Variants in PDZD2 observed in about 807,000 individuals in gnomAD.
The protein encoded by PDZD2 is PDZ domain containing 2.
A neutral mutation model predicts 220.7 loss-of-function variants in PDZD2; 90 were observed. The ratio of observed to expected loss-of-function variants is 0.41; its 90% CI spans 0.34 to 0.49. The LOEUF is 0.49. PDZD2 is among the 20% of genes least tolerant of loss of function. The probability of loss-of-function intolerance (pLI) is 0.28; values close to 1 mark genes in which losing one functional copy is unlikely to be tolerated. For missense variants in PDZD2, 3,174 were observed against 3,608.5 expected, an observed-to-expected ratio of 0.88 and a Z score of 3.08; for synonymous variants, 1,375 against 1,450.5, an observed-to-expected ratio of 0.95 and a Z score of 1.18.
intron 1 of PDZD2, among the ~76,000 whole-genome samples, chr5:31,788,691 T>TAAATAATAAAATAAAA (rs1392563141): frequency 6.6e-5 from 10 of 151,558 alleles, no homozygotes; most frequent in African/African-American, 2.4e-4. Context: ...ATTAAATAAA[T>TAAATAATAAAATAAAA]AAAATAAAAT....
At chr5:31,711,958 A>G (rs933944607) in intron 1 of PDZD2, 3 of 152,488 alleles carry the variant, frequency 2.0e-5, no homozygotes, top group African/African-American at 7.2e-5. Context: ...TCAGTAATTA[A>G]CTTGAGTTCT....
At chr5:31,999,027 GCA>G (rs1751878734) in intron 4 of PDZD2, among the ~76,000 whole-genome samples, 1 of 152,252 alleles carries the variant, frequency 6.6e-6, no homozygotes, top group South Asian at 2.1e-4. Flanking sequence ...CAGTGCTCTG[GCA>G]CAGTGTGCCA....
rs952817625 is a variant in PDZD2, at chr5:32,109,299, G to A, written c.*1164G>A. 1 of 151,612 alleles carries A rather than the reference G, an allele frequency of 6.6e-6. No individual in the cohort carries two copies. The highest frequency in any genetic ancestry group is 1.5e-5 in the Non-Finnish European group (1 of 68,004). 9.4% of individuals were successfully genotyped at this position (151,612 alleles called of 1,614,324 possible). A position where few individuals can be genotyped will look rare whatever the true frequency, so the allele number is the denominator to read the frequency against. On this transcript the variant is annotated 3_prime_UTR_variant, in exon 25 of 25. Coordinates refer to ENST00000438447, the MANE Select transcript of PDZD2 (RefSeq NM_178140.4). ...GACCTAGTATAATGACAACTGCAGT[G>A]ACTTAAGTTTTTGCTGTTTTCGTTT...
chr5:31,661,738 TAATC>T (rs986811814), intron 1 of PDZD2, among the ~76,000 whole-genome samples: 1 of 151,904 alleles, frequency 6.6e-6, no homozygotes, highest in African/African-American at 2.4e-5. Context: ...AATCCAGCAA[TAATC>T]CCCAAGGCTA....
chr5:31,762,702 C>A (rs1035914860), intron 1 of PDZD2, among the ~76,000 whole-genome samples: 1 of 152,116 alleles, frequency 6.6e-6, no homozygotes, highest in Non-Finnish European at 1.5e-5. Context: ...TGTGTCATGG[C>A]GGCTGTTGAG....
intron 3 of PDZD2, among the ~76,000 whole-genome samples, chr5:31,987,284 GT>G (rs1750797111): frequency 6.6e-6 from 1 of 152,144 alleles, no homozygotes; most frequent in Non-Finnish European, 1.5e-5. Flanking sequence ...ATGTCTATGG[GT>G]ACATTTGTGG....
chr5:31,656,655 A>G (rs13355683), intron 1 of PDZD2, among the ~76,000 whole-genome samples: 14,668 of 152,276 alleles, frequency 0.096, 1,231 homozygotes, highest in African/African-American at 0.23. Flanking sequence ...ATGATTTTTT[A>G]AAGCAACTGA....
chr5:31,861,229 A>G (rs1248719979), intron 2 of PDZD2, among the ~76,000 whole-genome samples: 2 of 152,188 alleles, frequency 1.3e-5, no homozygotes, highest in Non-Finnish European at 2.9e-5. Flanking sequence ...AGCACAGCTC[A>G]GAGCCCCACC....
At chr5:31,917,239 T>A (rs1743768552) in intron 2 of PDZD2, among the ~76,000 whole-genome samples, 1 of 151,866 alleles carries the variant, frequency 6.6e-6, no homozygotes, top group African/African-American at 2.4e-5. Flanking sequence ...CCAAGGAGAG[T>A]TAAGAAGGAA....
In PDZD2 at chr5:31,679,608, A is replaced by G. The variant is rs1468532813; in HGVS notation, c.-361+40171A>G. ...CTGCAACCTCAACCTCCCAAGTTCAAGTGATTCTCCTGCCTCAGCCTCCCT... is the reference window on the plus strand; with the variant it reads ...CTGCAACCTCAACCTCCCAAGTTCAGGTGATTCTCCTGCCTCAGCCTCCCT... On this transcript the variant is annotated intron_variant, in intron 1 of 24. Coordinates refer to ENST00000438447, the MANE Select transcript of PDZD2 (RefSeq NM_178140.4). Among the ~76,000 whole-genome samples, 5 of 152,166 alleles carry G rather than the reference A, an allele frequency of 3.3e-5. No homozygotes were observed. The East Asian group carries it at 9.6e-4, about 29-fold the overall frequency.
At chr5:31,926,616 G>A (rs1330169521) in intron 2 of PDZD2, among the ~76,000 whole-genome samples, 2 of 151,622 alleles carry the variant, frequency 1.3e-5, no homozygotes, top group Non-Finnish European at 2.9e-5. Context: ...ATACACTGTT[G>A]GTGTGAATGT....
intron 19 of PDZD2, among the ~76,000 whole-genome samples, chr5:32,078,275 A>G (rs1375020676): frequency 6.6e-6 from 1 of 152,240 alleles, no homozygotes; most frequent in African/African-American, 2.4e-5. Context: ...AATGATACTG[A>G]AAAACCACAC....
intron 1 of PDZD2, among the ~76,000 whole-genome samples, chr5:31,778,517 C>T (rs890849629): frequency 2.0e-5 from 3 of 151,772 alleles, no homozygotes; most frequent in East Asian, 1.9e-4. Flanking sequence ...GAACGAACAA[C>T]TCCAGATGTG....
At chr5:31,705,550 C>T (rs1388141892) in intron 1 of PDZD2, among the ~76,000 whole-genome samples, 2 of 152,100 alleles carry the variant, frequency 1.3e-5, no homozygotes, top group African/African-American at 4.8e-5. Context: ...ACAGTAACTC[C>T]ATCTAATTAT....
At chr5:31,782,823 C>T (rs10064076) in intron 1 of PDZD2, among the ~76,000 whole-genome samples, 2,502 of 149,922 alleles carry the variant, frequency 0.017, 64 homozygotes, top group African/African-American at 0.058. Flanking sequence ...AAGCAACTCT[C>T]CTGCCTCAGC....
intron 2 of PDZD2, among the ~76,000 whole-genome samples, chr5:31,947,484 A>G (rs1348273974): frequency 6.6e-6 from 1 of 152,176 alleles, no homozygotes; most frequent in Admixed American, 6.5e-5. Context: ...TTCACCGTCT[A>G]TAAAATAAAG....
chr5:31,878,554 G>GCTTTTTTTT (rs1739529633), intron 2 of PDZD2, among the ~76,000 whole-genome samples: 1 of 39,264 alleles, frequency 2.5e-5, no homozygotes, highest in African/African-American at 7.4e-5. Context: ...GATGACCTCG[G>GCTTTTTTTT]CTTTTTTTTT....
chr5:32,051,677 C>CA (rs1168672137), intron 8 of PDZD2, among the ~76,000 whole-genome samples: 6 of 151,906 alleles, frequency 3.9e-5, no homozygotes, highest in South Asian at 2.1e-4. Flanking sequence ...GTGATGGACA[C>CA]AAAAAAGGGG....
intron 2 of PDZD2, among the ~76,000 whole-genome samples, chr5:31,981,240 A>G (rs1000812586): frequency 3.9e-5 from 6 of 152,164 alleles, no homozygotes; most frequent in African/African-American, 1.4e-4. Flanking sequence ...TGTTTGAGTC[A>G]TGAGTACCCC....
Sources: allele counts gnomAD v4.1 joint callset (sites outside exome capture counted in the v4.1 genomes callset), GRCh38; gene constraint gnomAD v4.1.1; transcripts MANE v1.5; gene names NCBI Gene and HGNC (gene_info 2026-07-23, HGNC 2026-07-21).